Variants in MME observed in about 807,000 individuals in gnomAD.
MME encodes the protein membrane metalloendopeptidase.
In MME, 98 loss-of-function variants were observed where a neutral mutation model predicts 113.2. The ratio of observed to expected loss-of-function variants is 0.87; its 90% CI spans 0.74 to 1.02. MME has a LOEUF of 1.02. MME is among the 50% of genes least tolerant of loss of function. The probability of loss-of-function intolerance (pLI) is 0.00; values close to 1 mark genes in which losing one functional copy is unlikely to be tolerated. For missense variants in MME, 836 were observed against 896.0 expected, an observed-to-expected ratio of 0.93 and a Z score of 0.86; for synonymous variants, 292 against 300.6, an observed-to-expected ratio of 0.97 and a Z score of 0.30.
chr3:155,097,132 C>G (rs911816463), intron 3 of MME, among the ~76,000 whole-genome samples: 1 of 151,994 alleles, frequency 6.6e-6, no homozygotes, highest in Non-Finnish European at 1.5e-5. Context: ...TAGGCTGGGA[C>G]CAATGCAGTG....
Position 155,168,514 on chromosome 3 carries a change from A to C in MME, c.1803A>C (p.Gly601=). The stretch of plus-strand genomic sequence containing the variant: ...TAGGCAGAAACTTTAACAAAGATGG[A>C]GACCTCGTTGACTGGTGGACTCAAC... ...DDNGRNFNKD[G]DLVDWWTQQS... is the part of the protein sequence containing the mutation. Residue 601 remains glycine, a synonymous_variant, in exon 19 of 23, where the codon GGA becomes GGC. Coordinates refer to ENST00000360490, the MANE Select transcript of MME (RefSeq NM_007289.4). The C allele has an allele frequency of 6.2e-7, 1 of 1,613,124 alleles. No individual in the cohort carries two copies. The highest frequency in any genetic ancestry group is 2.2e-5 in the East Asian group (1 of 44,764).
At chr3:155,174,233 A>C (rs1712278842) in intron 22 of MME, among the ~76,000 whole-genome samples, 1 of 151,580 alleles carries the variant, frequency 6.6e-6, no homozygotes, top group Non-Finnish European at 1.5e-5. Context: ...TTTTGCTATA[A>C]ATTAGTTAAA....
chr3:155,144,900 T>G (rs947732409), intron 14 of MME, among the ~76,000 whole-genome samples: 1 of 152,184 alleles, frequency 6.6e-6, no homozygotes, highest in Non-Finnish European at 1.5e-5. Context: ...AATTATATAA[T>G]AACTAGGGGG....
chr3:155,032,256 T>A (rs904493765), intron 1 of MME, among the ~76,000 whole-genome samples: 2 of 152,220 alleles, frequency 1.3e-5, no homozygotes, highest in Non-Finnish European at 2.9e-5. Flanking sequence ...GTCAATTGAA[T>A]CAAGCTTCAG....
intron 15 of MME, among the ~76,000 whole-genome samples, chr3:155,148,151 A>T (rs190508130): frequency 6.6e-6 from 1 of 152,282 alleles, no homozygotes; most frequent in East Asian, 1.9e-4. Context: ...AATGAACATA[A>T]TATTAGATTC....
rs201922751 is a variant in MME, at chr3:155,168,724, T to C, written c.1915-8T>C. On this transcript the variant is annotated splice_region_variant and splice_polypyrimidine_tract_variant and intron_variant, in intron 19 of 22. Transcript: ENST00000360490. ...TTAACAATCCTAATAAAGTGTCTTT[T>C]TTAACAGCTTAATGGAATTAATACA... is the stretch of plus-strand genomic sequence containing the variant. 7.4e-6 allele frequency: 12 copies of C among 1,613,066 alleles called. No homozygotes were observed. Among genetic ancestry groups the C allele is most frequent in the Non-Finnish European group, 1.0e-5 (12 of 1,179,176 alleles).
chr3:155,144,707 G>A (rs964077455), intron 14 of MME, among the ~76,000 whole-genome samples: 1 of 152,056 alleles, frequency 6.6e-6, no homozygotes, highest in Non-Finnish European at 1.5e-5. Flanking sequence ...ATGTAAGGTG[G>A]TGCACTATTG....
intron 3 of MME, among the ~76,000 whole-genome samples, chr3:155,098,222 G>A (rs1485352521): frequency 6.6e-6 from 1 of 152,082 alleles, no homozygotes; most frequent in Non-Finnish European, 1.5e-5. Flanking sequence ...ACCACAGGAT[G>A]TACACTGGAC....
At chr3:155,118,682 G>C (rs1718829090) in intron 7 of MME, 64 bp from the exon 8 acceptor site, 2 of 1,063,174 alleles carry the variant, frequency 1.9e-6, no homozygotes, top group Non-Finnish European at 2.9e-6. Context: ...AGACATGCTT[G>C]TATTTTTCAA....
intron 12 of MME, among the ~76,000 whole-genome samples, chr3:155,143,027 A>G (rs1721234557): frequency 6.6e-6 from 1 of 152,198 alleles, no homozygotes; most frequent in Non-Finnish European, 1.5e-5. Flanking sequence ...TCTTAAATTT[A>G]TACACATACA....
At chr3:155,155,708 C>T (rs1372424955) in intron 16 of MME, among the ~76,000 whole-genome samples, 2 of 152,090 alleles carry the variant, frequency 1.3e-5, no homozygotes, top group African/African-American at 2.4e-5. Flanking sequence ...CAGTTCTTTC[C>T]TGGAAGTTCT....
At chr3:155,088,410 A>G (rs1164045947) in intron 3 of MME, among the ~76,000 whole-genome samples, 5 of 152,190 alleles carry the variant, frequency 3.3e-5, no homozygotes, top group Non-Finnish European at 5.9e-5. Context: ...AAGGCTGGGC[A>G]CGGTGGCTCA....
At chr3:155,064,059 G>T (rs1395902554) in intron 1 of MME, among the ~76,000 whole-genome samples, 2 of 152,080 alleles carry the variant, frequency 1.3e-5, no homozygotes, top group African/African-American at 4.8e-5. Context: ...GGGAGGCCGA[G>T]GTGAGTGGAT....
intron 3 of MME, among the ~76,000 whole-genome samples, chr3:155,099,343 A>T (rs1281673333): frequency 6.6e-6 from 1 of 152,180 alleles, no homozygotes; most frequent in African/African-American, 2.4e-5. Flanking sequence ...ATGAGTTCTT[A>T]TCTTAAAACA....
intron 1 of MME, among the ~76,000 whole-genome samples, chr3:155,043,386 C>A (rs943777662): frequency 2.0e-5 from 3 of 150,882 alleles, no homozygotes; most frequent in Non-Finnish European, 2.9e-5. Flanking sequence ...GGCTGGAATG[C>A]AATGGTGCGA....
chr3:155,144,112 T>C (rs572319243), intron 13 of MME, among the ~76,000 whole-genome samples: 1 of 152,294 alleles, frequency 6.6e-6, no homozygotes, highest in East Asian at 1.9e-4. Flanking sequence ...AACCATTATA[T>C]TCTGAAAATG....
intron 1 of MME, among the ~76,000 whole-genome samples, chr3:155,066,722 C>T (rs1714389877): frequency 6.6e-6 from 1 of 152,094 alleles, no homozygotes; most frequent in Non-Finnish European, 1.5e-5. Flanking sequence ...ATGTCACTTA[C>T]TGAAAAAGTA....
chr3:155,164,339 A>C (rs1722937303), intron 17 of MME, among the ~76,000 whole-genome samples: 1 of 152,108 alleles, frequency 6.6e-6, no homozygotes, highest in Admixed American at 6.6e-5. Context: ...CCAATGACTT[A>C]TTTAATTAAC....
intron 1 of MME, among the ~76,000 whole-genome samples, chr3:155,067,885 T>A (rs1218208290): frequency 1.3e-5 from 2 of 152,118 alleles, no homozygotes; most frequent in Non-Finnish European, 2.9e-5. Context: ...TGTTAAATAG[T>A]TAAACATTAC....
Sources: allele counts gnomAD v4.1 joint callset (sites outside exome capture counted in the v4.1 genomes callset), GRCh38; gene constraint gnomAD v4.1.1; transcripts MANE v1.5; gene names NCBI Gene and HGNC (gene_info 2026-07-23, HGNC 2026-07-21).